CACNG3: variants seen among roughly 807,000 people sequenced by gnomAD.
CACNG3 encodes the protein voltage-dependent calcium channel gamma-3 subunit.
In CACNG3, 3 loss-of-function variants were observed where a neutral mutation model predicts 28.5. The observed-to-expected ratio is 0.11, with a 90% confidence interval of 0.05 to 0.27. The LOEUF is 0.27. CACNG3 is among the 10% of genes least tolerant of loss of function. CACNG3 has a pLI of 1.00. For missense variants in CACNG3, 236 were observed against 414.4 expected (o/e 0.57, Z 3.74); for synonymous variants, 174 against 162.2 (o/e 1.07, Z -0.55).
intron 1 of CACNG3, among the ~76,000 whole-genome samples, chr16:24,304,153 A>C (rs924044097): frequency 2.6e-5 from 4 of 152,164 alleles, no homozygotes; most frequent in Non-Finnish European, 5.9e-5. Flanking sequence ...GGGCAAGAAT[A>C]TGTGGCGGGC....
At chr16:24,274,372 T>C (rs1375801691) in intron 1 of CACNG3, among the ~76,000 whole-genome samples, 1 of 152,122 alleles carries the variant, frequency 6.6e-6, no homozygotes, top group Non-Finnish European at 1.5e-5. Flanking sequence ...TATGGGTACT[T>C]AATATTTGTT....
chr16:24,336,555 G>A (rs1052173238), intron 1 of CACNG3, among the ~76,000 whole-genome samples: 11 of 80,808 alleles, frequency 1.4e-4, no homozygotes, highest in African/African-American at 3.6e-4. Context: ...GATTACAGGC[G>A]TGAGCCACTG....
chr16:24,299,931 T>C (rs1899083141), intron 1 of CACNG3, among the ~76,000 whole-genome samples: 1 of 150,028 alleles, frequency 6.7e-6, no homozygotes. Context: ...GATGCACACA[T>C]GCACACGCAC....
chr16:24,332,987 A>G (rs1899651546), intron 1 of CACNG3, among the ~76,000 whole-genome samples: 1 of 152,240 alleles, frequency 6.6e-6, no homozygotes, highest in African/African-American at 2.4e-5. Flanking sequence ...GAGAAAATTG[A>G]CAAGAATGAT....
chr16:24,332,669 T>C (rs1899646467), intron 1 of CACNG3, among the ~76,000 whole-genome samples: 1 of 152,052 alleles, frequency 6.6e-6, no homozygotes, highest in Non-Finnish European at 1.5e-5. Context: ...ATGAATTCAT[T>C]ATCCAAATCC....
intron 1 of CACNG3, among the ~76,000 whole-genome samples, chr16:24,320,027 C>T (rs528379243): frequency 3.2e-4 from 48 of 152,272 alleles, no homozygotes; most frequent in Non-Finnish European, 6.5e-4. Flanking sequence ...CCTTGACCTC[C>T]CAAAGTGCTG....
Position 24,354,880 on chromosome 16 carries a change from C to T in CACNG3, c.343C>T (p.Leu115=), listed in dbSNP as rs1283447933. 5.0e-6 allele frequency: 8 copies of T among 1,612,198 alleles called. No homozygotes were observed. The highest frequency in any genetic ancestry group is 3.3e-5 in the Admixed American group (2 of 60,008). Residue 115 remains leucine (L), a synonymous_variant, in exon 3 of 4, where the codon CTG becomes TTG. Transcript: ENST00000005284. ...SVFPILSVTL[L]FFGGLCVAAS... is the part of the protein sequence containing the mutation. ...CTTCCCCATCCTCAGTGTCACGCTG[C>T]TGTTCTTCGGCGGGCTCTGCGTGGC...
At position 24,346,836 on chromosome 16, in the gene CACNG3, C is replaced by T. The variant is rs773069719; in HGVS notation, c.295+19C>T. ...CTCCTGCGTAAGTTCCCCGGCTTCT[C>T]GGGTCTCTCTGGGAGGAAGGGATGG... On this transcript the variant is annotated intron_variant, in intron 2 of 3. Coordinates refer to ENST00000005284, the MANE Select transcript of CACNG3 (RefSeq NM_006539.4). 30 of 1,604,406 alleles carry T rather than the reference C, an allele frequency of 1.9e-5. No individual in the cohort carries two copies. The highest frequency in any genetic ancestry group is 4.0e-5 in the African/African-American group (3 of 74,748).
intron 1 of CACNG3, among the ~76,000 whole-genome samples, chr16:24,343,860 C>G (rs1008253259): frequency 6.6e-6 from 1 of 151,946 alleles, no homozygotes; most frequent in Non-Finnish European, 1.5e-5. Flanking sequence ...GAGTCTGAGA[C>G]GGGTAGATCA....
chr16:24,314,751 T>TCCTCCTCCTCCC, intron 1 of CACNG3, among the ~76,000 whole-genome samples: 1 of 149,674 alleles, frequency 6.7e-6, no homozygotes, highest in African/African-American at 2.4e-5. Flanking sequence ...CTCCTCCTCC[T>TCCTCCTCCTCCC]CCTCCTCCTC....
chr16:24,260,106 G>A (rs539529953), intron 1 of CACNG3, among the ~76,000 whole-genome samples: 18 of 152,340 alleles, frequency 1.2e-4, no homozygotes, highest in Admixed American at 1.0e-3. Flanking sequence ...CTGTAGGTAA[G>A]TTATATCCTT....
At chr16:24,261,287 G>A (rs1898534273) in intron 1 of CACNG3, among the ~76,000 whole-genome samples, 1 of 152,330 alleles carries the variant, frequency 6.6e-6, no homozygotes, top group East Asian at 1.9e-4. Context: ...CGGTCTCAGT[G>A]TGGGGCAATA....
At chr16:24,283,223 A>T (rs987639000) in intron 1 of CACNG3, among the ~76,000 whole-genome samples, 1 of 152,098 alleles carries the variant, frequency 6.6e-6, no homozygotes, top group Non-Finnish European at 1.5e-5. Flanking sequence ...CAAATATTCT[A>T]ACTATTCTGT....
In CACNG3 at chr16:24,361,716, C is replaced by T. The variant is rs535955331; in HGVS notation, c.801C>T (p.Leu267=). The part of the protein sequence containing the change: ...IPSTDISMFT[L]SRDPSKITMG... ...CCACTGACATCTCGATGTTCACCCT[C>T]TCCCGGGACCCCTCAAAGATCACCA... Residue 267 remains leucine, a synonymous_variant, in exon 4 of 4, where the codon CTC becomes CTT. Transcript: ENST00000005284. This position sits in a 1 kb window ranked among gnomAD's most constrained non-coding sequence, Gnocchi z 6.8. 6.2e-7 allele frequency: 1 copy of T among 1,614,056 alleles called. No individual in the cohort carries two copies. The highest frequency in any genetic ancestry group is 8.5e-7 in the Non-Finnish European group (1 of 1,179,998).
At chr16:24,312,943 GAAAGAAAGAAAGAGAAAGAAAGA>G in intron 1 of CACNG3, among the ~76,000 whole-genome samples, 1 of 97,924 alleles carries the variant, frequency 1.0e-5, no homozygotes, top group African/African-American at 3.7e-5. Context: ...AAGAAAGAAA[GAAAGAAAGAAAGAGAAAGAAAGA>G]AAAGAAAGAA....
At chr16:24,275,774 T>C (rs1166222280) in intron 1 of CACNG3, among the ~76,000 whole-genome samples, 1 of 152,256 alleles carries the variant, frequency 6.6e-6, no homozygotes, top group Non-Finnish European at 1.5e-5. Context: ...GATTTGTTTT[T>C]ACACTGTGTA....
intron 1 of CACNG3, among the ~76,000 whole-genome samples, chr16:24,333,191 T>G (rs1306572208): frequency 6.6e-6 from 1 of 152,036 alleles, no homozygotes; most frequent in Admixed American, 6.6e-5. Flanking sequence ...ATCAGAAAAA[T>G]TATGCATGCC....
chr16:24,257,314 C>T lies in CACNG3; in HGVS notation c.211+349C>T, dbSNP rs908291567. Reference sequence around the variant, plus strand: ...CTTTAACCCTGCTTAAATTGGATTTCGAAGGGAGGGGGAGGGAAGGGAGGA... The same window carrying T: ...CTTTAACCCTGCTTAAATTGGATTTTGAAGGGAGGGGGAGGGAAGGGAGGA... On this transcript the variant is annotated intron_variant, in intron 1 of 3. Coordinates refer to ENST00000005284, the MANE Select transcript of CACNG3 (RefSeq NM_006539.4). Among the ~76,000 whole-genome samples the T allele has an allele frequency of 1.4e-4, 18 of 124,976 alleles. 1 individual carries two copies. Among genetic ancestry groups the T allele is most frequent in the African/African-American group, 5.2e-4 (17 of 32,950 alleles). The allele number at this position is 124,976 out of a possible 152,430, so 82.0% of individuals were successfully genotyped here.
chr16:24,299,936 A>ACG (rs961791523), intron 1 of CACNG3, among the ~76,000 whole-genome samples: 1 of 149,220 alleles, frequency 6.7e-6, no homozygotes, highest in African/African-American at 2.5e-5. Flanking sequence ...ACACATGCAC[A>ACG]CGCACACACA....
Sources: allele counts gnomAD v4.1 joint callset (sites outside exome capture counted in the v4.1 genomes callset), GRCh38; gene constraint gnomAD v4.1.1; non-coding constraint Gnocchi (gnomAD v3.1); transcripts MANE v1.5; gene names NCBI Gene and HGNC (gene_info 2026-07-23, HGNC 2026-07-21).